The following TTBK2 variants were observed in gnomAD, a reference collection of about 807,000 sequenced individuals.
The protein encoded by TTBK2 is tau-tubulin kinase 2.
A neutral mutation model predicts 110.8 loss-of-function variants in TTBK2; 28 were observed. The ratio of observed to expected loss-of-function variants is 0.25; its 90% CI spans 0.19 to 0.35. The LOEUF is 0.35. Ranked by LOEUF, TTBK2 falls within the 10% of genes least tolerant of loss-of-function variation. TTBK2 has a pLI of 1.00. For missense variants in TTBK2, 1,369 were observed against 1,500.3 expected, an observed-to-expected ratio of 0.91 and a Z score of 1.45; for synonymous variants, 532 against 527.3, an observed-to-expected ratio of 1.01 and a Z score of -0.12.
At chr15:42,840,642 C>T (rs8039438) in intron 3 of TTBK2, 19,844 of 647,302 alleles carry the variant, frequency 0.031, 1,409 homozygotes, top group African/African-American at 0.2. Flanking sequence ...AAATAAATGA[C>T]TATTTGAATG....
intron 3 of TTBK2, among the ~76,000 whole-genome samples, chr15:42,867,674 G>A (rs1286998899): frequency 6.6e-6 from 1 of 152,132 alleles, no homozygotes; most frequent in Non-Finnish European, 1.5e-5. Flanking sequence ...CCAGAACACT[G>A]ACAATACCAA....
chr15:42,871,351 C>A (rs1210790173), intron 3 of TTBK2: 1 of 752,162 alleles, frequency 1.3e-6, no homozygotes, highest in Non-Finnish European at 1.6e-6. Flanking sequence ...CTAAACTGAT[C>A]TTCAAGTTTT....
intron 1 of TTBK2, among the ~76,000 whole-genome samples, chr15:42,917,247 G>GA (rs551870694): frequency 6.6e-6 from 1 of 150,934 alleles, no homozygotes; most frequent in Admixed American, 6.6e-5. Context: ...AAAATCACAG[G>GA]AAAAAAAATC....
intron 3 of TTBK2, among the ~76,000 whole-genome samples, chr15:42,860,006 T>G (rs1217162081): frequency 6.7e-6 from 1 of 150,308 alleles, no homozygotes; most frequent in African/African-American, 2.4e-5. Flanking sequence ...TATCTGAGCT[T>G]GAGGATGTAT....
intron 3 of TTBK2, among the ~76,000 whole-genome samples, chr15:42,868,135 GCA>G (rs1203809609): frequency 5.3e-5 from 8 of 152,172 alleles, no homozygotes; most frequent in Non-Finnish European, 2.9e-5. Flanking sequence ...GGGAAACAGT[GCA>G]CAGAGGATTT....
intron 1 of TTBK2, among the ~76,000 whole-genome samples, chr15:42,913,131 CAAAAAAAAA>C (rs61404472): frequency 9.7e-5 from 3 of 30,914 alleles, no homozygotes; most frequent in African/African-American, 2.3e-4. Flanking sequence ...GACTCCGTCT[CAAAAAAAAA>C]AAAAAAAAAA....
At chr15:42,807,510 G>A (rs923715220) in intron 9 of TTBK2, among the ~76,000 whole-genome samples, 3 of 152,058 alleles carry the variant, frequency 2.0e-5, no homozygotes, top group African/African-American at 7.2e-5. Flanking sequence ...ATTCACTCAA[G>A]TAACCCTCCC....
chr15:42,760,384 C>CAAAAAAAAA (rs3036888), intron 13 of TTBK2, among the ~76,000 whole-genome samples: 2 of 89,174 alleles, frequency 2.2e-5, no homozygotes, highest in Middle Eastern at 6.7e-3. Flanking sequence ...GACTCCATCT[C>CAAAAAAAAA]AAAAAAAAAA....
Position 42,748,723 on chromosome 15 carries a change from C to T in TTBK2, c.3273-2466G>A, listed in dbSNP as rs562073490. Among the ~76,000 whole-genome samples, 10 of 152,222 alleles carry T rather than the reference C, an allele frequency of 6.6e-5. No homozygotes were observed. In the East Asian group the frequency reaches 1.7e-3, roughly 26 times the overall value. Reference sequence around the variant, plus strand: ...CCACCACATTTGGCCCTGGAAAGCACTCTTCACTGGTTTACCACCTCCCAA... The same window carrying T: ...CCACCACATTTGGCCCTGGAAAGCATTCTTCACTGGTTTACCACCTCCCAA... On this transcript the variant is annotated intron_variant, in intron 14 of 14. Transcript: ENST00000267890.
chr15:42,890,944 C>T (rs1380800356), intron 1 of TTBK2, among the ~76,000 whole-genome samples: 1 of 152,170 alleles, frequency 6.6e-6, no homozygotes, highest in Non-Finnish European at 1.5e-5. Flanking sequence ...TCTTGGCTCA[C>T]TGCAACCTCT....
intron 3 of TTBK2, among the ~76,000 whole-genome samples, chr15:42,866,244 C>T (rs191228282): frequency 2.6e-5 from 4 of 152,008 alleles, no homozygotes; most frequent in Non-Finnish European, 5.9e-5. Flanking sequence ...TCAGGACCAG[C>T]CTGAACAACC....
chr15:42,749,069 G>A (rs549042795), intron 14 of TTBK2, among the ~76,000 whole-genome samples: 43 of 152,254 alleles, frequency 2.8e-4, no homozygotes, highest in African/African-American at 9.9e-4. Flanking sequence ...TCATCAAAAT[G>A]CAACTGGAGA....
intron 6 of TTBK2, among the ~76,000 whole-genome samples, chr15:42,820,730 G>C (rs1433823653): frequency 2.0e-5 from 3 of 152,080 alleles, no homozygotes; most frequent in Non-Finnish European, 4.4e-5. Flanking sequence ...GCCAGGCACA[G>C]TAGTTCATGG....
chr15:42,837,357 CAAAAA>C (rs962772134), intron 4 of TTBK2, among the ~76,000 whole-genome samples: 1 of 56,318 alleles, frequency 1.8e-5, no homozygotes. Flanking sequence ...GACTCCATCT[CAAAAA>C]AAAAAAAAAA....
At chr15:42,901,695 A>G (rs1428426675) in intron 1 of TTBK2, among the ~76,000 whole-genome samples, 1 of 152,242 alleles carries the variant, frequency 6.6e-6, no homozygotes, top group African/African-American at 2.4e-5. Context: ...GAGTGAAAAG[A>G]CAACCCACAA....
At chr15:42,785,486 T>G (rs750570921) in intron 10 of TTBK2, among the ~76,000 whole-genome samples, 2 of 152,138 alleles carry the variant, frequency 1.3e-5, no homozygotes, top group Non-Finnish European at 2.9e-5. Flanking sequence ...AGGAAGGAAA[T>G]TCTTGCCCTA....
intron 10 of TTBK2, among the ~76,000 whole-genome samples, chr15:42,784,955 T>C (rs183595853): frequency 6.6e-6 from 1 of 152,226 alleles, no homozygotes; most frequent in East Asian, 1.9e-4. Context: ...CCCCAAGTAC[T>C]TTCTCCCTGG....
intron 9 of TTBK2, among the ~76,000 whole-genome samples, chr15:42,800,625 G>A (rs141309927): frequency 6.6e-6 from 1 of 152,328 alleles, no homozygotes; most frequent in East Asian, 1.9e-4. Flanking sequence ...CTATGGCAAT[G>A]TTGGCTTGGC....
chr15:42,867,656 G>A (rs974904954), intron 3 of TTBK2, among the ~76,000 whole-genome samples: 2 of 152,142 alleles, frequency 1.3e-5, no homozygotes, highest in Non-Finnish European at 2.9e-5. Context: ...CTATCTGATG[G>A]CCAAAATCCA....
Sources: gnomAD v4.1 joint callset for allele counts (sites outside exome capture counted in the v4.1 genomes callset) on GRCh38, gnomAD v4.1.1 for gene constraint, MANE v1.5 for transcripts, NCBI Gene and HGNC (gene_info 2026-07-23, HGNC 2026-07-21) for gene names.